Variants in MCC observed in about 807,000 individuals in gnomAD.
The protein encoded by MCC is colorectal mutant cancer protein.
MCC carries 90 observed loss-of-function variants against 116.2 expected under a neutral mutation model. The observed-to-expected ratio is 0.77, with a 90% CI of 0.65 to 0.92. The LOEUF is 0.92. Among genes scored for constraint, MCC ranks in the 40% least tolerant of loss-of-function variants. The pLI, the probability that MCC is intolerant of heterozygous loss-of-function variation, is 0.00. For missense variants in MCC, 1,516 were observed against 1,312.2 expected (o/e 1.16, Z -2.40); for synonymous variants, 578 against 510.5 (o/e 1.13, Z -1.78).
chr5:113,476,914 A>G (rs913714360), intron 1 of MCC, among the ~76,000 whole-genome samples: 1 of 152,240 alleles, frequency 6.6e-6, no homozygotes, highest in African/African-American at 2.4e-5. Context: ...ATATCTCAAT[A>G]AAGCTAGTTA....
chr5:113,484,870 A>G (rs937436527), intron 1 of MCC, among the ~76,000 whole-genome samples: 1 of 152,216 alleles, frequency 6.6e-6, no homozygotes, highest in Non-Finnish European at 1.5e-5. Flanking sequence ...GGTCCAAAAA[A>G]TCCAGTACCA....
At chr5:113,395,821 C>A (rs1769513274) in intron 1 of MCC, among the ~76,000 whole-genome samples, 1 of 151,908 alleles carries the variant, frequency 6.6e-6, no homozygotes, top group African/African-American at 2.4e-5. Flanking sequence ...TTCATAATTG[C>A]CTGGGGTGAT....
At chr5:113,122,639 C>G in intron 6 of MCC, 45 bp downstream of exon 6, 1 of 1,601,114 alleles carries the variant, frequency 6.2e-7, no homozygotes, top group Non-Finnish European at 8.5e-7. Context: ...CTATTACAAT[C>G]CAGAAACCAA....
intron 8 of MCC, among the ~76,000 whole-genome samples, chr5:113,088,141 A>C (rs1755334755): frequency 6.6e-6 from 1 of 152,154 alleles, no homozygotes; most frequent in Non-Finnish European, 1.5e-5. Context: ...ATGCTTTATT[A>C]TTTAATGATA....
intron 3 of MCC, chr5:113,294,816 A>T: frequency 3.0e-6 from 3 of 986,398 alleles, no homozygotes; most frequent in Non-Finnish European, 2.4e-6. Context: ...TCCCGAAAAA[A>T]CTAGGGCGGT....
intron 8 of MCC, among the ~76,000 whole-genome samples, chr5:113,090,152 G>T (rs1304482110): frequency 1.3e-5 from 2 of 152,034 alleles, no homozygotes; most frequent in Non-Finnish European, 2.9e-5. Flanking sequence ...AGGAGTGGAG[G>T]GTCAGTGGAG....
At position 113,026,767 on chromosome 5, in the gene MCC, ATCTT is replaced by A. The variant is rs1326181071; in HGVS notation, c.*531_*534del. ...GAGATCACCTCTTATGGCCGCCTCTATCTTAAAGTTGAGACCCGGGACTTGGAAA... is the reference window on the plus strand; with the variant it reads ...GAGATCACCTCTTATGGCCGCCTCTAAAAGTTGAGACCCGGGACTTGGAAA... On this transcript the variant is annotated 3_prime_UTR_variant, in exon 19 of 19. Transcript: ENST00000408903. The A allele has an allele frequency of 1.3e-5, 2 of 153,916 alleles. No homozygotes were observed. Among genetic ancestry groups the A allele is most frequent in the African/African-American group, 2.4e-5 (1 of 41,450 alleles). The allele number at this position is 153,916 out of a possible 1,614,324, so 9.5% of individuals were successfully genotyped here. A position where few individuals can be genotyped will look rare whatever the true frequency, so the allele number is the denominator to read the frequency against.
At chr5:113,064,917 G>C (rs1489549942) in intron 13 of MCC, among the ~76,000 whole-genome samples, 2 of 152,184 alleles carry the variant, frequency 1.3e-5, no homozygotes, top group Non-Finnish European at 2.9e-5. Flanking sequence ...ATGGGTGGCT[G>C]AGCTGAGGTG....
At chr5:113,078,061 C>T (rs10478106) in intron 11 of MCC, among the ~76,000 whole-genome samples, 51,772 of 151,966 alleles carry the variant, frequency 0.34, 8,828 homozygotes, top group Middle Eastern at 0.39. Flanking sequence ...CTAGAAGAAA[C>T]AGATAAATTC....
At chr5:113,078,743 T>C (rs1291132200) in intron 11 of MCC, among the ~76,000 whole-genome samples, 1 of 152,188 alleles carries the variant, frequency 6.6e-6, no homozygotes, top group African/African-American at 2.4e-5. Flanking sequence ...CTTTGAAAAC[T>C]GGCACAAGAC....
At chr5:113,161,507 GAAA>G (rs567190772) in intron 3 of MCC, among the ~76,000 whole-genome samples, 77 of 152,254 alleles carry the variant, frequency 5.1e-4, no homozygotes, top group African/African-American at 1.8e-3. Context: ...CACAGATCAG[GAAA>G]GGCCAAAGTA....
At position 113,078,522 on chromosome 5, in the gene MCC, T is replaced by A. The variant is rs1401186105; in HGVS notation, c.1784+4338A>T. Among the ~76,000 whole-genome samples the A allele has an allele frequency of 2.0e-3, 300 of 152,202 alleles. 2 individuals are homozygous for A. Among genetic ancestry groups the A allele is most frequent in the African/African-American group, 6.9e-3 (287 of 41,474 alleles). ...TTCAACATATGCAAATCAATAAACG[T>A]TAATCCATCATATAAATAGAACCAA... is the stretch of plus-strand genomic sequence containing the variant. On this transcript the variant is annotated intron_variant, in intron 11 of 18. Transcript: ENST00000408903.
intron 1 of MCC, among the ~76,000 whole-genome samples, chr5:113,396,449 G>A (rs1163020630): frequency 1.3e-5 from 2 of 150,574 alleles, no homozygotes; most frequent in African/African-American, 2.5e-5. Flanking sequence ...TGGCCAACAC[G>A]GTGAAACCCC....
intron 3 of MCC, among the ~76,000 whole-genome samples, chr5:113,227,309 A>G (rs1763776275): frequency 6.7e-6 from 1 of 149,874 alleles, no homozygotes; most frequent in Admixed American, 7.0e-5. Context: ...CAGTATCTTC[A>G]TTGCACCAGA....
chr5:113,165,459 G>T (rs1760717640), intron 3 of MCC, among the ~76,000 whole-genome samples: 1 of 152,034 alleles, frequency 6.6e-6, no homozygotes, highest in Non-Finnish European at 1.5e-5. Context: ...TAATTTCATG[G>T]GCTAATTCTG....
intron 2 of MCC, among the ~76,000 whole-genome samples, chr5:113,353,407 T>C (rs1768331037): frequency 6.6e-6 from 1 of 152,198 alleles, no homozygotes; most frequent in Non-Finnish European, 1.5e-5. Context: ...ACAGTGTTTA[T>C]CACTGTCATT....
intron 3 of MCC, 81 bp downstream of exon 3, chr5:113,340,438 C>T: frequency 8.6e-7 from 1 of 1,164,432 alleles, no homozygotes; most frequent in Middle Eastern, 2.0e-4. Flanking sequence ...CCGATATGTC[C>T]CCTGGAGCAC....
At chr5:113,403,712 A>C (rs1402633769) in intron 1 of MCC, among the ~76,000 whole-genome samples, 5 of 152,156 alleles carry the variant, frequency 3.3e-5, no homozygotes, top group Admixed American at 1.3e-4. Context: ...CAGCAGAGGG[A>C]GCGAGCTGTA....
intron 3 of MCC, among the ~76,000 whole-genome samples, chr5:113,226,639 CA>C (rs941514010): frequency 1.3e-5 from 2 of 152,142 alleles, no homozygotes; most frequent in Non-Finnish European, 2.9e-5. Flanking sequence ...AAATGATTTC[CA>C]TATGCTTTTC....
Sources: allele counts gnomAD v4.1 joint callset (sites outside exome capture counted in the v4.1 genomes callset), GRCh38; gene constraint gnomAD v4.1.1; transcripts MANE v1.5; gene names NCBI Gene and HGNC (gene_info 2026-07-23, HGNC 2026-07-21).